Variants in STK4 observed in about 807,000 individuals in gnomAD.
The protein encoded by STK4 is serine/threonine-protein kinase 4.
STK4 carries 30 observed loss-of-function variants against 64.9 expected under a neutral mutation model. The ratio of observed to expected loss-of-function variants is 0.46; its 90% CI spans 0.35 to 0.63. The LOEUF is 0.63. STK4 is among the 20% of genes least tolerant of loss of function. The pLI is 0.01. For synonymous variants in STK4, 177 were observed against 199.0 expected (o/e 0.89, Z 0.93); for missense variants, 466 against 598.5 (o/e 0.78, Z 2.31).
intron 10 of STK4, among the ~76,000 whole-genome samples, chr20:45,028,325 C>T (rs1248378383): frequency 6.6e-6 from 1 of 150,856 alleles, no homozygotes; most frequent in African/African-American, 2.4e-5. Flanking sequence ...GATGATATCT[C>T]TCTTTTTTTT....
chr20:44,970,119 G>A (rs749702701), intron 1 of STK4, among the ~76,000 whole-genome samples: 12 of 151,894 alleles, frequency 7.9e-5, no homozygotes, highest in African/African-American at 1.9e-4. Context: ...TATTCGAGCC[G>A]TCATATGCTA....
chr20:44,985,410 C>G (rs562881554), intron 4 of STK4, among the ~76,000 whole-genome samples: 1 of 152,270 alleles, frequency 6.6e-6, no homozygotes, highest in East Asian at 1.9e-4. Context: ...TGCACACAAT[C>G]TCAGCTCACT....
rs1410236024 is a variant in STK4 at position 45,078,492 on chromosome 20, A to C, written c.*3316A>C. On this transcript the variant is annotated 3_prime_UTR_variant, in exon 11 of 11. Transcript: ENST00000372806. ...AGTGCTGGGATTACAGGCGTGAGCC[A>C]CCTTGCCTGGCCAAAAATCTCAGAA... 6.6e-6 allele frequency: 1 copy of C among 151,632 alleles called. No individual in the cohort carries two copies. The highest frequency in any genetic ancestry group is 1.5e-5 in the Non-Finnish European group (1 of 68,008). 9.4% of individuals were successfully genotyped at this position (151,632 alleles called of 1,614,324 possible).
chr20:45,001,245 A>T lies in STK4; in HGVS notation c.1039A>T (p.Met347Leu). The stretch of plus-strand genomic sequence containing the variant: ...GGGCACTGTCCGAGTAGCCAGCACC[A>T]TGACTGATGGAGCCAATACTATGAT... ...EMGTVRVAST[M>L]TDGANTMIEH... The change falls in exon 9 of 11, where the codon ATG (methionine) becomes TTG (leucine). Residue 347 changes from methionine (M) to leucine (L), a missense_variant. By Grantham distance (15) the Met-to-Leu change is conservative (BLOSUM62 2). Coordinates refer to ENST00000372806, the MANE Select transcript of STK4 (RefSeq NM_006282.5). 3 of 1,614,212 alleles carry T rather than the reference A, an allele frequency of 1.9e-6. No individual in the cohort carries two copies. The highest frequency in any genetic ancestry group is 2.5e-6 in the Non-Finnish European group (3 of 1,180,032).
chr20:45,032,202 A>G (rs1450409261), intron 10 of STK4, among the ~76,000 whole-genome samples: 1 of 152,242 alleles, frequency 6.6e-6, no homozygotes, highest in Admixed American at 6.5e-5. Flanking sequence ...AACAGAAAAT[A>G]GACAAAATTT....
At chr20:45,029,918 C>G (rs150868088) in intron 10 of STK4, among the ~76,000 whole-genome samples, 2 of 151,960 alleles carry the variant, frequency 1.3e-5, no homozygotes, top group East Asian at 3.9e-4. Flanking sequence ...CTTGTTATTC[C>G]CCTTTTGAGT....
At chr20:45,011,721 ATATATATATTTTTT>A (rs1374736160) in intron 9 of STK4, among the ~76,000 whole-genome samples, 2 of 105,496 alleles carry the variant, frequency 1.9e-5, no homozygotes, top group Admixed American at 8.7e-5. Flanking sequence ...ATATATATAT[ATATATATATTTTTT>A]TTTTTTTTTT....
At chr20:45,020,836 G>T (rs987469825) in intron 9 of STK4, among the ~76,000 whole-genome samples, 2 of 150,898 alleles carry the variant, frequency 1.3e-5, no homozygotes, top group Non-Finnish European at 2.9e-5. Context: ...TTTTGAGACA[G>T]GGTCTTGCTC....
intron 4 of STK4, among the ~76,000 whole-genome samples, chr20:44,982,401 C>T (rs1258043163): frequency 1.3e-5 from 2 of 151,986 alleles, no homozygotes; most frequent in Admixed American, 6.6e-5. Flanking sequence ...TCCCAAAGTG[C>T]TGGGATTACA....
intron 8 of STK4, 126 bp from the exon 9 acceptor site, chr20:45,001,041 G>T: frequency 9.6e-7 from 1 of 1,036,280 alleles, no homozygotes; most frequent in Non-Finnish European, 1.4e-6. Flanking sequence ...ATTTCTGGAA[G>T]GTGAGTTTAG....
chr20:45,023,473 C>T (rs917811104), intron 9 of STK4, among the ~76,000 whole-genome samples: 4 of 152,154 alleles, frequency 2.6e-5, no homozygotes, highest in African/African-American at 9.7e-5. Context: ...TCATCTACTT[C>T]TTAAGGTGCT....
chr20:44,971,479 A>G (rs1346001273), intron 1 of STK4, among the ~76,000 whole-genome samples: 1 of 152,164 alleles, frequency 6.6e-6, no homozygotes, highest in Non-Finnish European at 1.5e-5. Context: ...TGGAAGAGCA[A>G]AGGTTTCCCG....
intron 10 of STK4, among the ~76,000 whole-genome samples, chr20:45,027,430 C>CAAA (rs35208496): frequency 3.8e-5 from 3 of 79,382 alleles, no homozygotes; most frequent in Admixed American, 1.5e-4. Flanking sequence ...AACTCCGTCT[C>CAAA]AAAAAAAAAA....
chr20:45,004,628 C>T (rs572773381), intron 9 of STK4, among the ~76,000 whole-genome samples: 2 of 151,640 alleles, frequency 1.3e-5, no homozygotes, highest in African/African-American at 4.8e-5. Flanking sequence ...TGTAGGTTGT[C>T]TGTTCACTCT....
At chr20:45,063,404 G>A (rs1261400818) in intron 10 of STK4, among the ~76,000 whole-genome samples, 1 of 152,136 alleles carries the variant, frequency 6.6e-6, no homozygotes, top group East Asian at 1.9e-4. Flanking sequence ...AAAAGTGTCT[G>A]TTCATGTCCT....
intron 10 of STK4, among the ~76,000 whole-genome samples, chr20:45,047,813 A>G (rs989319818): frequency 3.3e-5 from 5 of 152,178 alleles, no homozygotes; most frequent in African/African-American, 1.2e-4. Context: ...TATAGTGAAG[A>G]AGAGCAGTGG....
intron 9 of STK4, among the ~76,000 whole-genome samples, chr20:45,023,351 A>AG (rs1167546377): frequency 6.6e-6 from 1 of 152,220 alleles, no homozygotes; most frequent in Non-Finnish European, 1.5e-5. Context: ...TCTGAGAGGT[A>AG]GGGTGGCTGG....
chr20:45,001,386 G>T (rs749807632), intron 9 of STK4, 33 bp downstream of exon 9: 48 of 1,585,522 alleles, frequency 3.0e-5, no homozygotes, highest in Non-Finnish European at 3.7e-5. Flanking sequence ...TGACTTCTTA[G>T]ACCAAGCATA....
At chr20:45,046,199 C>G (rs2068692097) in intron 10 of STK4, among the ~76,000 whole-genome samples, 1 of 150,424 alleles carries the variant, frequency 6.6e-6, no homozygotes, top group African/African-American at 2.5e-5. Flanking sequence ...GAGGCCAAGG[C>G]AGGAGGATTG....
Sources: allele counts gnomAD v4.1 joint callset (sites outside exome capture counted in the v4.1 genomes callset), GRCh38; gene constraint gnomAD v4.1.1; transcripts MANE v1.5; gene names NCBI Gene and HGNC (gene_info 2026-07-23, HGNC 2026-07-21).